The following ERCC6L2 variants were observed in gnomAD, a reference collection of about 807,000 sequenced individuals.
The protein encoded by ERCC6L2 is ERCC excision repair 6 like 2.
A neutral mutation model predicts 132.0 loss-of-function variants in ERCC6L2; 77 were observed. That is an observed-to-expected ratio of 0.58 (90% CI 0.49 to 0.71). The LOEUF is 0.71. ERCC6L2 is among the 30% of genes least tolerant of loss of function. ERCC6L2 has a pLI of 0.00. For missense variants in ERCC6L2, 1,542 were observed against 1,837.6 expected (o/e 0.84, Z 2.94); for synonymous variants, 583 against 632.4 (o/e 0.92, Z 1.17).
At chr9:96,020,431 A>G (rs1338324865), downstream of ERCC6L2, 1 of 298,044 alleles carries the variant, frequency 3.4e-6, no homozygotes, top group Non-Finnish European at 6.5e-6. Context: ...AGGTCATCCC[A>G]AGGACAGCAG....
chr9:95,972,600 A>T lies in ERCC6L2; in HGVS notation c.2849A>T (p.Asp950Val). 7.8e-7 allele frequency: 1 copy of T among 1,289,560 alleles called. No homozygotes were observed. The highest frequency in any genetic ancestry group is 1.0e-6 in the Non-Finnish European group (1 of 988,664). 79.9% of individuals were successfully genotyped at this position (1,289,560 alleles called of 1,614,324 possible). A position where few individuals can be genotyped will look rare whatever the true frequency, so the allele number is the denominator to read the frequency against. Residue 950 changes from aspartate to valine, a missense_variant, in exon 16 of 19, where the codon GAC (aspartate) becomes GTC (valine). Asp to Val is a radical substitution (Grantham distance 152). Around this residue, in one of 4 missense-constraint regions of ERCC6L2, gnomAD observed 945 missense variants for 1,105.2 expected, o/e 0.86. Transcript: ENST00000653738. ...RNNDNSRNTD[D>V]KRNGIISKKL... The stretch of plus-strand genomic sequence containing the variant: ...AATGATAATAGTCGAAACACTGATG[A>T]CAAAAGAAATGGAATAATTTCAAAA...
chr9:95,912,189 A>G (rs1587891370), intron 4 of ERCC6L2, among the ~76,000 whole-genome samples: 1 of 152,164 alleles, frequency 6.6e-6, no homozygotes, highest in Non-Finnish European at 1.5e-5. Context: ...CACTATTGGC[A>G]TAGGACACTA....
At chr9:95,952,512 G>A (rs994214072) in intron 12 of ERCC6L2, among the ~76,000 whole-genome samples, 1 of 152,136 alleles carries the variant, frequency 6.6e-6, no homozygotes, top group Non-Finnish European at 1.5e-5. Flanking sequence ...TCATTTCATT[G>A]ATGCAGAAAA....
chr9:95,903,607 A>G (rs1033771762), intron 3 of ERCC6L2, among the ~76,000 whole-genome samples: 1 of 148,644 alleles, frequency 6.7e-6, no homozygotes, highest in Non-Finnish European at 1.5e-5. Flanking sequence ...GCATAATGCC[A>G]AACTTTAATA....
intron 12 of ERCC6L2, among the ~76,000 whole-genome samples, chr9:95,943,664 A>G (rs1199459967): frequency 2.0e-5 from 3 of 152,180 alleles, no homozygotes; most frequent in Non-Finnish European, 2.9e-5. Flanking sequence ...AACAACAACA[A>G]AAAACACAAC....
At chr9:96,029,423 C>G (rs1588068143) in intron 19 of ERCC6L2, among the ~76,000 whole-genome samples, 1 of 152,020 alleles carries the variant, frequency 6.6e-6, no homozygotes, top group African/African-American at 2.4e-5. Context: ...TTCCAGCTGC[C>G]CTTACCACAC....
intron 11 of ERCC6L2, among the ~76,000 whole-genome samples, chr9:95,929,824 AAAG>A (rs1158279885): frequency 6.6e-6 from 1 of 152,166 alleles, no homozygotes; most frequent in Non-Finnish European, 1.5e-5. Context: ...TTCTAACTTT[AAAG>A]TGTTTCCAGT....
intron 19 of ERCC6L2, among the ~76,000 whole-genome samples, chr9:96,035,518 G>A (rs751885592): frequency 6.6e-6 from 1 of 152,136 alleles, no homozygotes; most frequent in Non-Finnish European, 1.5e-5. Flanking sequence ...GAGATCTGCA[G>A]AGAGAGTGGG....
intron 13 of ERCC6L2, among the ~76,000 whole-genome samples, chr9:95,962,675 T>G (rs1304330150): frequency 6.6e-6 from 1 of 152,190 alleles, no homozygotes; most frequent in African/African-American, 2.4e-5. Context: ...GTCCCTGATT[T>G]ATGACATGGT....
intron 3 of ERCC6L2, among the ~76,000 whole-genome samples, chr9:95,899,650 GA>G (rs1207665558): frequency 6.9e-6 from 1 of 144,832 alleles, no homozygotes; most frequent in Non-Finnish European, 1.5e-5. Flanking sequence ...ATGCATATGC[GA>G]TGTATCATAT....
At chr9:96,001,757 C>T (rs906737351) in intron 17 of ERCC6L2, among the ~76,000 whole-genome samples, 5 of 152,376 alleles carry the variant, frequency 3.3e-5, no homozygotes, top group East Asian at 3.9e-4. Flanking sequence ...GACTGGGCGC[C>T]GTGGAGCAGG....
chr9:95,966,819 G>A, intron 14 of ERCC6L2, 105 bp downstream of exon 14: 1 of 972,558 alleles, frequency 1.0e-6, no homozygotes, highest in Non-Finnish European at 1.4e-6. Context: ...GAAACTTTTG[G>A]TTTTCTTTAT....
chr9:95,983,554 A>G (rs1564285463), intron 17 of ERCC6L2, among the ~76,000 whole-genome samples: 1 of 152,212 alleles, frequency 6.6e-6, no homozygotes, highest in Non-Finnish European at 1.5e-5. Context: ...AGTGGATTAA[A>G]GAATGTTACG....
At chr9:96,001,048 G>A (rs543715344) in intron 17 of ERCC6L2, among the ~76,000 whole-genome samples, 39 of 152,058 alleles carry the variant, frequency 2.6e-4, no homozygotes, top group Admixed American at 2.2e-3. Flanking sequence ...AGACCTTCGC[G>A]GTGAGTGTTA....
At chr9:95,912,091 C>T (rs918234634) in intron 4 of ERCC6L2, among the ~76,000 whole-genome samples, 5 of 152,138 alleles carry the variant, frequency 3.3e-5, no homozygotes, top group Non-Finnish European at 7.3e-5. Flanking sequence ...TTACATGACT[C>T]CAATTTCCAG....
intron 4 of ERCC6L2, among the ~76,000 whole-genome samples, chr9:95,914,950 G>T (rs1239766500): frequency 1.3e-5 from 2 of 152,114 alleles, no homozygotes; most frequent in East Asian, 1.9e-4. Flanking sequence ...GTGGTGTGAA[G>T]TAAGTGTTTA....
At chr9:95,989,553 C>G (rs1223969769) in intron 17 of ERCC6L2, among the ~76,000 whole-genome samples, 2 of 152,142 alleles carry the variant, frequency 1.3e-5, no homozygotes, top group Non-Finnish European at 2.9e-5. Context: ...GGACTTAGTG[C>G]AATAAAAATA....
Position 96,015,663 on chromosome 9 carries a change from C to T in ERCC6L2, c.*2460C>T, listed in dbSNP as rs1455310952. On this transcript the variant is annotated 3_prime_UTR_variant, in exon 19 of 19. Transcript: ENST00000653738. ...AAAAAAAATACAAAAATTAGCCAGG[C>T]GTGGTGGTGGGCGCCTGTAGTCCCA... 4.7e-5 allele frequency among the ~76,000 whole-genome samples: 7 copies of T among 149,562 alleles called. No homozygotes were observed. Among genetic ancestry groups the T allele is most frequent in the African/African-American group, 9.8e-5 (4 of 40,732 alleles).
At chr9:95,925,401 T>C (rs1830057942) in intron 9 of ERCC6L2, among the ~76,000 whole-genome samples, 1 of 152,204 alleles carries the variant, frequency 6.6e-6, no homozygotes, top group Non-Finnish European at 1.5e-5. Flanking sequence ...TAGGCCTGAC[T>C]GACCAAGTTG....
Sources: gnomAD v4.1 joint callset for allele counts (sites outside exome capture counted in the v4.1 genomes callset) on GRCh38, gnomAD v4.1.1 for gene constraint, gnomAD v4.1.1 regional missense constraint, MANE v1.5 for transcripts, NCBI Gene and HGNC (gene_info 2026-07-23, HGNC 2026-07-21) for gene names.